ABCC10: variants seen among roughly 807,000 people sequenced by gnomAD.
The protein encoded by ABCC10 is ATP-binding cassette sub-family C member 10.
ABCC10 carries 110 observed loss-of-function variants against 143.2 expected under a neutral mutation model. The ratio of observed to expected loss-of-function variants is 0.77; its 90% confidence interval spans 0.66 to 0.90. The LOEUF (loss-of-function observed/expected upper bound fraction) is 0.90. ABCC10 is among the 40% of genes least tolerant of loss of function. The pLI is 0.00. For missense variants in ABCC10, 1,700 were observed against 1,900.5 expected (o/e 0.89, Z 1.96); for synonymous variants, 805 against 846.7 (o/e 0.95, Z 0.85).
At position 43,447,952 on chromosome 6, in the gene ABCC10, G is replaced by T; in HGVS notation, c.3959+15G>T. On this transcript the variant is annotated intron_variant, in intron 18 of 21. Coordinates refer to ENST00000372530, the MANE Select transcript of ABCC10 (RefSeq NM_001198934.2). ...GCCCAGCTCAGGTCTGGGGGAGATG[G>T]ACTTGGGAGGGGAAGGGGGAACCAG... is the stretch of plus-strand genomic sequence containing the variant. 1 of 1,610,994 alleles carries T rather than the reference G, an allele frequency of 6.2e-7. No individual in the cohort carries two copies. Among genetic ancestry groups the T allele is most frequent in the South Asian group, 1.1e-5 (1 of 91,040 alleles).
rs772339643 is a variant in ABCC10 at position 43,434,810 on chromosome 6, A to T, written c.1570A>T (p.Thr524Ser). ...TGTCATCTCCATCGTTATCTTCATC[A>T]CCTATGTCCTCATGGGGCACCAGCT... The part of the protein sequence containing the change: ...PVVISIVIFI[T>S]YVLMGHQLTA... Residue 524 changes from threonine to serine, a missense_variant, in exon 4 of 22, where the codon ACC becomes TCC. Thr to Ser is a moderately conservative substitution (Grantham distance 58). Transcript: ENST00000372530. The T allele has an allele frequency of 1.9e-6, 3 of 1,613,826 alleles. No homozygotes were observed. The African/African-American group carries it at 4.0e-5, about 22-fold the overall frequency.
chr6:43,450,793 C>T (rs1207443235), downstream of ABCC10: 2 of 1,614,112 alleles, frequency 1.2e-6, no homozygotes. This position sits in a 1 kb window ranked among gnomAD's most constrained non-coding sequence, Gnocchi z 4.5. Flanking sequence ...CCTAGCCCAG[C>T]CTCTTGCCTC....
chr6:43,433,366 C>T lies in ABCC10; in HGVS notation c.1380+6C>T, dbSNP rs1247083124. 3.8e-6 allele frequency: 6 copies of T among 1,599,000 alleles called. No homozygotes were observed. The highest frequency in any genetic ancestry group is 5.1e-6 in the Non-Finnish European group (6 of 1,170,106). ...ACAAGGATGCGCGGGTTAAGGTGAG[C>T]GGGTACTTGGGGTCCCTCAGCTATC... is the stretch of plus-strand genomic sequence containing the variant. On this transcript the variant is annotated splice_donor_region_variant and intron_variant, in intron 3 of 21. Transcript: ENST00000372530.
In ABCC10 at chr6:43,447,424, C is replaced by T. The variant is rs200400219; in HGVS notation, c.3705+16C>T. ...GCCACTGCAGGTGGGCCTGTACCCC[C>T]ACCCCAGGCCAAAGCTCTGGAACCC... On this transcript the variant is annotated intron_variant, in intron 17 of 21. Coordinates refer to ENST00000372530, the MANE Select transcript of ABCC10 (RefSeq NM_001198934.2). 5.6e-5 allele frequency: 90 copies of T among 1,610,286 alleles called. No individual in the cohort carries two copies. Among genetic ancestry groups the T allele is most frequent in the Non-Finnish European group, 7.0e-5 (82 of 1,178,748 alleles).
Position 43,444,267 on chromosome 6 carries a change from T to C in ABCC10, c.2603T>C (p.Val868Ala). 1 of 1,614,142 alleles carries C rather than the reference T, an allele frequency of 6.2e-7. No homozygotes were observed. The highest frequency in any genetic ancestry group is 8.5e-7 in the Non-Finnish European group (1 of 1,180,020). The part of the protein sequence containing the change: ...LQEESKKEGA[V>A]ALHVYQAYWK... ...GAAGAAAGCAAGAAGGAGGGCGCCG[T>C]GGCCTTGCACGTGTACCAAGCTTAC... Residue 868 changes from valine (V) to alanine (A), a missense_variant, in exon 12 of 22, where the codon GTG (valine) becomes GCG (alanine). Transcript: ENST00000372530.
chr6:43,435,172 A>G (rs1254026304), intron 4 of ABCC10: 1 of 245,102 alleles, frequency 4.1e-6, no homozygotes, highest in Non-Finnish European at 7.8e-6. Flanking sequence ...AGCCAAGGCC[A>G]GGTGATGTTG....
rs766345179 is a variant in ABCC10 at position 43,449,938 on chromosome 6, G to T, written c.4326G>T (p.Thr1442=). The change falls in exon 22 of 22, where the codon ACG becomes ACT. Residue 1442 remains threonine, a synonymous_variant. Transcript: ENST00000372530. ...ATCTTCCCCCTCACAGGCTCAACAC[G>T]ATCCTGAACTCAGACCGGGTGCTGG... ...TVLTIAHRLN[T]ILNSDRVLVL... is the part of the protein sequence containing the mutation. The T allele has an allele frequency of 1.9e-6, 3 of 1,613,890 alleles. No individual in the cohort carries two copies. The highest frequency in any genetic ancestry group is 2.5e-6 in the Non-Finnish European group (3 of 1,180,008).
downstream of ABCC10, chr6:43,450,485 C>T (rs1783642998): frequency 2.6e-6 from 4 of 1,513,074 alleles, no homozygotes; most frequent in South Asian, 2.7e-5. The surrounding 1 kb of genome is among the most constrained non-coding windows in gnomAD (Gnocchi z 4.5). Flanking sequence ...ACGGACCACT[C>T]CAGTCTGAGG....
chr6:43,449,318 G>C, intron 20 of ABCC10, 104 bp from the exon 21 acceptor site: 1 of 1,496,254 alleles, frequency 6.7e-7, no homozygotes, highest in Non-Finnish European at 9.1e-7. Context: ...TCCTTTTAGA[G>C]CTGGAAGTGG....
intron 21 of ABCC10, 30 bp from the exon 22 acceptor site, chr6:43,449,898 TC>T: frequency 6.2e-7 from 1 of 1,613,046 alleles, no homozygotes; most frequent in Non-Finnish European, 8.5e-7. Context: ...TTGTCCCTCA[TC>T]CCCTACACTG....
intron 6 of ABCC10, among the ~76,000 whole-genome samples, chr6:43,436,789 C>T (rs1262691842): frequency 6.6e-6 from 1 of 152,206 alleles, no homozygotes; most frequent in Non-Finnish European, 1.5e-5. Flanking sequence ...CCCTGTGCCC[C>T]ACAGCTCAAC....
At chr6:43,428,610 C>T (rs1780752953) in intron 2 of ABCC10, among the ~76,000 whole-genome samples, 1 of 152,186 alleles carries the variant, frequency 6.6e-6, no homozygotes, top group Non-Finnish European at 1.5e-5. Flanking sequence ...GAAGAGGAAG[C>T]AGTAGATAGA....
intron 17 of ABCC10, 136 bp downstream of exon 17, chr6:43,447,544 C>G: frequency 6.4e-7 from 1 of 1,552,846 alleles, no homozygotes; most frequent in Non-Finnish European, 8.7e-7. Flanking sequence ...CAATTCTTCA[C>G]CATGTCCCTT....
intron 2 of ABCC10, among the ~76,000 whole-genome samples, chr6:43,430,015 A>G (rs1780957928): frequency 6.6e-6 from 1 of 152,202 alleles, no homozygotes. Flanking sequence ...CTTGGGCTCA[A>G]GCAATCCTTC....
chr6:43,449,690 A>G (rs1314176016), intron 21 of ABCC10, among the ~76,000 whole-genome samples, 156 bp downstream of exon 21: 1 of 150,778 alleles, frequency 6.6e-6, no homozygotes, highest in Non-Finnish European at 1.5e-5. Context: ...GGTCCTTTAT[A>G]GCACTGCCTA....
chr6:43,451,399 T>C, downstream of ABCC10: 1 of 1,219,788 alleles, frequency 8.2e-7, no homozygotes. This position sits in a 1 kb window ranked among gnomAD's most constrained non-coding sequence, Gnocchi z 4.4. Context: ...CTCAAATACC[T>C]CATTTTAAAA....
intron 8 of ABCC10, among the ~76,000 whole-genome samples, chr6:43,440,189 T>C (rs1782232339): frequency 6.8e-6 from 1 of 147,884 alleles, no homozygotes; most frequent in Non-Finnish European, 1.5e-5. Flanking sequence ...ACTGTTGGGC[T>C]CAAGTGATCC....
chr6:43,438,520 G>A, intron 7 of ABCC10, 104 bp from the exon 8 acceptor site: 1 of 1,501,502 alleles, frequency 6.7e-7, no homozygotes. Context: ...GGGGGACCCT[G>A]TGTAGAAGAC....
Position 43,443,896 on chromosome 6 carries a change from G to A in ABCC10, c.2417-37G>A. 6.4e-7 allele frequency: 1 copy of A among 1,573,286 alleles called. No individual in the cohort carries two copies. Among genetic ancestry groups the A allele is most frequent in the Non-Finnish European group, 8.8e-7 (1 of 1,142,726 alleles). On this transcript the variant is annotated intron_variant, in intron 10 of 21. Coordinates refer to ENST00000372530, the MANE Select transcript of ABCC10 (RefSeq NM_001198934.2). This position sits in a 1 kb window ranked among gnomAD's most constrained non-coding sequence, Gnocchi z 4.2. ...CTGAGAAAGGCATAGTATAGACTCA[G>A]AACAGTCCTCTCCCAATCTCCCCTT...
Sources: allele counts gnomAD v4.1 joint callset (sites outside exome capture counted in the v4.1 genomes callset), GRCh38; gene constraint gnomAD v4.1.1; non-coding constraint Gnocchi (gnomAD v3.1); transcripts MANE v1.5; gene names NCBI Gene and HGNC (gene_info 2026-07-23, HGNC 2026-07-21).